Variants in TNRC18 observed in about 807,000 individuals in gnomAD.
TNRC18 encodes the protein trinucleotide repeat-containing gene 18 protein.
TNRC18 carries 69 observed loss-of-function variants against 226.7 expected under a neutral mutation model. That is an observed-to-expected ratio of 0.30 (90% CI 0.25 to 0.37). TNRC18 has a LOEUF of 0.37. Among genes scored for constraint, TNRC18 ranks in the 10% least tolerant of loss-of-function variants. TNRC18 has a pLI of 1.00. For missense variants in TNRC18, 4,754 were observed against 4,256.6 expected (o/e 1.12, Z -3.25); for synonymous variants, 2,449 against 1,927.6 (o/e 1.27, Z -7.09).
Position 5,361,394 on chromosome 7 carries a change from T to A in TNRC18, c.4661+200A>T, listed in dbSNP as rs528652849. 2.6e-5 allele frequency among the ~76,000 whole-genome samples: 4 copies of A among 152,194 alleles called. No homozygotes were observed. The South Asian group carries it at 8.3e-4, about 32-fold the overall frequency. On this transcript the variant is annotated intron_variant, in intron 14 of 29. Transcript: ENST00000430969. ...CGGGAAAAATCTGTCGCAGGAGCCA[T>A]CCTCCAGGCTCAGCACCGGCCTCGC...
chr7:5,324,453 G>A lies in TNRC18; in HGVS notation c.6301-98C>T, dbSNP rs774376765. The A allele has an allele frequency of 9.5e-5, 141 of 1,484,774 alleles. No individual in the cohort carries two copies. The highest frequency in any genetic ancestry group is 2.7e-4 in the Admixed American group (15 of 55,082). The allele number at this position is 1,484,774 out of a possible 1,614,324, so 92.0% of individuals were successfully genotyped here. On this transcript the variant is annotated intron_variant, in intron 20 of 29. Coordinates refer to ENST00000430969, the MANE Select transcript of TNRC18 (RefSeq NM_001080495.3). The surrounding 1 kb of genome is among the most constrained non-coding windows in gnomAD (Gnocchi z 4.8). ...GGAAACCTGGAGCCACAGTCAGGCC[G>A]CAGGGGGAATCTGTCATGTGCATGG...
chr7:5,361,562 C>T, intron 14 of TNRC18, 32 bp downstream of exon 14: 1 of 1,464,904 alleles, frequency 6.8e-7, no homozygotes, highest in Non-Finnish European at 9.0e-7. Context: ...AGCTGTGTGC[C>T]AGTCCCCGAC....
At chr7:5,347,529 G>C (rs1362881830) in intron 17 of TNRC18, among the ~76,000 whole-genome samples, 3 of 151,980 alleles carry the variant, frequency 2.0e-5, no homozygotes, top group Non-Finnish European at 4.4e-5. Context: ...GCCAGGCGTG[G>C]TGGCTTACAC....
At chr7:5,345,848 G>T in intron 17 of TNRC18, 38 bp from the exon 18 acceptor site, 3 of 1,517,270 alleles carry the variant, frequency 2.0e-6, no homozygotes, top group Non-Finnish European at 8.8e-7. Context: ...CAGAGCCTTG[G>T]CCTTGGCGAG....
At chr7:5,336,871 G>T (rs1478417969) in intron 18 of TNRC18, among the ~76,000 whole-genome samples, 2 of 152,190 alleles carry the variant, frequency 1.3e-5, no homozygotes. Flanking sequence ...GTTTGGGTGT[G>T]GGGGAACCAG....
intron 19 of TNRC18, chr7:5,329,919 A>G (rs763020982): frequency 5.3e-5 from 25 of 470,956 alleles, no homozygotes; most frequent in Middle Eastern, 3.2e-4. Flanking sequence ...ATATCCAGCT[A>G]TAATACCAGA....
intron 17 of TNRC18, among the ~76,000 whole-genome samples, chr7:5,348,640 G>C (rs1428286165): frequency 6.8e-6 from 1 of 147,806 alleles, no homozygotes; most frequent in Non-Finnish European, 1.5e-5. Flanking sequence ...GGAGTCCGCA[G>C]AGGAGTAGAG....
chr7:5,401,241 G>T (rs1019427292), intron 2 of TNRC18, among the ~76,000 whole-genome samples: 1 of 137,576 alleles, frequency 7.3e-6, no homozygotes, highest in Non-Finnish European at 1.6e-5. Context: ...GGGGGGCGGG[G>T]GGGCTGCATG....
intron 1 of TNRC18, chr7:5,422,899 G>A (rs1392583339): frequency 6.6e-6 from 1 of 152,112 alleles, no homozygotes; most frequent in Non-Finnish European, 1.5e-5. Context: ...TTTTTTGTAA[G>A]AGATTCTTTG....
rs1469504941 is a variant in TNRC18 at position 5,389,283 on chromosome 7, G to A, written c.541C>T (p.Pro181Ser). 4 of 1,289,998 alleles carry A rather than the reference G, an allele frequency of 3.1e-6. No individual in the cohort carries two copies. Among genetic ancestry groups the A allele is most frequent in the African/African-American group, 1.5e-5 (1 of 64,988 alleles). The allele number at this position is 1,289,998 out of a possible 1,614,324, so 79.9% of individuals were successfully genotyped here. A position where few individuals can be genotyped will look rare whatever the true frequency, so the allele number is the denominator to read the frequency against. The change falls in exon 5 of 30, where the codon CCC (proline) becomes TCC (serine). Residue 181 changes from proline (P) to serine (S), a missense_variant. Coordinates refer to ENST00000430969, the MANE Select transcript of TNRC18 (RefSeq NM_001080495.3). ...GAPGSLHSHA[P>S]SARTPGGGHS... is the part of the protein sequence containing the mutation. ...CCGCCGCCAGGGGTCCGGGCCGAGGGCGCGTGAGAGTGCAGGGAGCCCGGA... is the reference window on the plus strand; with the variant it reads ...CCGCCGCCAGGGGTCCGGGCCGAGGACGCGTGAGAGTGCAGGGAGCCCGGA...
At position 5,388,960 on chromosome 7, in the gene TNRC18, G is replaced by A. The variant is rs768931343; in HGVS notation, c.864C>T (p.Ala288=). The A allele has an allele frequency of 9.4e-6, 13 of 1,386,136 alleles. No individual in the cohort carries two copies. The highest frequency in any genetic ancestry group is 1.2e-5 in the Non-Finnish European group (13 of 1,064,762). The allele number at this position is 1,386,136 out of a possible 1,614,324, so 85.9% of individuals were successfully genotyped here. A position where few individuals can be genotyped will look rare whatever the true frequency, so the allele number is the denominator to read the frequency against. Residue 288 remains alanine, a synonymous_variant, in exon 5 of 30, where the codon GCC becomes GCT. Transcript: ENST00000430969. Reference sequence around the variant, plus strand: ...CCAGCGCGGGCAGCCCCACGTCCCCGGCGCCGCCGTTGCACATGGTCAGTA... The same window carrying A: ...CCAGCGCGGGCAGCCCCACGTCCCCAGCGCCGCCGTTGCACATGGTCAGTA... ...PSVLTMCNGG[A]GDVGLPALVA...
Position 5,351,986 on chromosome 7 carries a change from T to C in TNRC18, c.5303A>G (p.Asn1768Ser). The C allele has an allele frequency of 1.9e-6, 3 of 1,614,010 alleles. No homozygotes were observed. The highest frequency in any genetic ancestry group is 2.5e-6 in the Non-Finnish European group (3 of 1,179,900). Residue 1768 changes from asparagine to serine, a missense_variant, in exon 17 of 30, where the codon AAC (asparagine) becomes AGC (serine). Coordinates refer to ENST00000430969, the MANE Select transcript of TNRC18 (RefSeq NM_001080495.3). Reference protein sequence around the residue: ...PSLLCSMVAKNSKAAGGPKLT... With the variant: ...PSLLCSMVAKSSKAAGGPKLT... ...CTTGGGGCCACCAGCTGCCTTGCTG[T>C]TCTTTGCCACCATGCTACACAGGAG...
intron 19 of TNRC18, among the ~76,000 whole-genome samples, chr7:5,331,511 C>T (rs1789516141): frequency 6.6e-6 from 1 of 152,072 alleles, no homozygotes; most frequent in South Asian, 2.1e-4. Context: ...CCACAAACCA[C>T]AAAAGTACCA....
intron 11 of TNRC18, among the ~76,000 whole-genome samples, chr7:5,364,832 A>G (rs2128165430): frequency 6.6e-6 from 1 of 151,900 alleles, no homozygotes; most frequent in South Asian, 2.1e-4. Flanking sequence ...AAAGATCTCA[A>G]TCAGTACATA....
At chr7:5,316,272 GTCT>G (rs1298801464) in intron 24 of TNRC18, among the ~76,000 whole-genome samples, 200 bp from the exon 25 acceptor site, 1 of 76,668 alleles carries the variant, frequency 1.3e-5, no homozygotes, top group Non-Finnish European at 2.4e-5. Flanking sequence ...GGAGAAATGG[GTCT>G]TTTTTTTTTT....
At position 5,387,778 on chromosome 7, in the gene TNRC18, C is replaced by G. The variant is rs1026905588; in HGVS notation, c.2046G>C (p.Val682=). Reference sequence around the variant, plus strand: ...GCCGGGCCACAGCCACTGCAATGCCCACAGGCGGGTGTCGCACTTCTGCCT... The same window carrying G: ...GCCGGGCCACAGCCACTGCAATGCCGACAGGCGGGTGTCGCACTTCTGCCT... ...QGEAEVRHPP[V]GIAVAVARQK... is the part of the protein sequence containing the mutation. The change falls in exon 5 of 30, where the codon GTG becomes GTC. Residue 682 remains valine (V), a synonymous_variant. Coordinates refer to ENST00000430969, the MANE Select transcript of TNRC18 (RefSeq NM_001080495.3). 1.2e-6 allele frequency: 2 copies of G among 1,607,868 alleles called. No homozygotes were observed. Among genetic ancestry groups the G allele is most frequent in the African/African-American group, 2.7e-5 (2 of 74,936 alleles).
In TNRC18 at chr7:5,387,858, C is replaced by G. The variant is rs1323896487; in HGVS notation, c.1966G>C (p.Glu656Gln). The change falls in exon 5 of 30, where the codon GAG (glutamate) becomes CAG (glutamine). Residue 656 changes from glutamate to glutamine, a missense_variant. Physicochemically the swap from Glu to Gln is conservative, Grantham distance 29. Coordinates refer to ENST00000430969, the MANE Select transcript of TNRC18 (RefSeq NM_001080495.3). ...GGGRQLKRDP[E>Q]RPESAKAFGR... is the part of the protein sequence containing the mutation. ...AAAGCTTTGGCGCTCTCGGGCCTCT[C>G]GGGGTCCCGCTTCAGCTGCCGGCCG... 1.3e-6 allele frequency: 2 copies of G among 1,599,346 alleles called. No homozygotes were observed. The highest frequency in any genetic ancestry group is 1.7e-6 in the Non-Finnish European group (2 of 1,176,066).
At chr7:5,325,614 C>T (rs1214328886) in intron 19 of TNRC18, 7 of 236,764 alleles carry the variant, frequency 3.0e-5, no homozygotes, top group South Asian at 1.4e-4. Flanking sequence ...TCAGTAGAGA[C>T]GGGGTTTTAC....
chr7:5,320,039 A>C, intron 24 of TNRC18: 1 of 380,360 alleles, frequency 2.6e-6, no homozygotes, highest in Non-Finnish European at 5.0e-6. Flanking sequence ...GAAATCCTCC[A>C]ATGATAAGAG....
Sources: gnomAD v4.1 joint callset for allele counts (sites outside exome capture counted in the v4.1 genomes callset) on GRCh38, gnomAD v4.1.1 for gene constraint, Gnocchi (gnomAD v3.1) non-coding constraint, MANE v1.5 for transcripts, NCBI Gene and HGNC (gene_info 2026-07-23, HGNC 2026-07-21) for gene names.